The following APOD variants were observed in gnomAD, a reference collection of about 807,000 sequenced individuals.
APOD encodes apolipoprotein D, also known as apo-D.
APOD carries 22 observed loss-of-function variants against 20.4 expected under a neutral mutation model. That is an observed-to-expected ratio of 1.08 (90% CI 0.77 to 1.54). The LOEUF is 1.54. Ranked by LOEUF, APOD falls within the 40% of genes most tolerant of loss-of-function variation. The pLI is 0.00. For missense variants in APOD, 223 were observed against 229.6 expected, an observed-to-expected ratio of 0.97 and a Z score of 0.19; for synonymous variants, 97 against 92.4, an observed-to-expected ratio of 1.05 and a Z score of -0.29.
At chr3:195,575,930 C>G (rs1206916649) in intron 2 of APOD, among the ~76,000 whole-genome samples, 1 of 151,948 alleles carries the variant, frequency 6.6e-6, no homozygotes, top group African/African-American at 2.4e-5. Context: ...CTGGCCTATT[C>G]TAGAAATTTA....
chr3:195,576,103 C>A (rs1242901383), intron 2 of APOD, among the ~76,000 whole-genome samples: 1 of 152,150 alleles, frequency 6.6e-6, no homozygotes, highest in Admixed American at 6.5e-5. Context: ...TCAATTAAAG[C>A]CACTGAACTT....
At chr3:195,579,293 T>C in intron 2 of APOD, 46 bp downstream of exon 2, 1 of 1,611,714 alleles carries the variant, frequency 6.2e-7, no homozygotes, top group East Asian at 2.2e-5. Flanking sequence ...GTAGAACGCT[T>C]ATTCACAGCG....
At chr3:195,574,088 A>C in intron 2 of APOD, 117 bp from the exon 3 acceptor site, 1 of 1,420,328 alleles carries the variant, frequency 7.0e-7, no homozygotes, top group East Asian at 2.4e-5. Context: ...AATGGGCCTC[A>C]TTGTTCCCAG....
chr3:195,582,962 A>C (rs1434797434), intron 1 of APOD: 1 of 152,104 alleles, frequency 6.6e-6, no homozygotes, highest in Admixed American at 6.6e-5. Context: ...TATGATTTTT[A>C]ACAGAATATG....
rs1015918248 is a variant in APOD at position 195,568,835 on chromosome 3, G to T, written c.*65C>A. 4.1e-5 allele frequency: 44 copies of T among 1,064,868 alleles called. No homozygotes were observed. In the South Asian group the frequency reaches 5.3e-4, roughly 13 times the overall value. The allele number at this position is 1,064,868 out of a possible 1,614,324, so 66.0% of individuals were successfully genotyped here. A position where few individuals can be genotyped will look rare whatever the true frequency, so the allele number is the denominator to read the frequency against. ...TGGTTGATTGGTTTGTCTTTATGGG[G>T]GGGGGGTAGGGGAAAGCGAAGCAGA... On this transcript the variant is annotated 3_prime_UTR_variant, in exon 5 of 5. Transcript: ENST00000343267.
In APOD at chr3:195,571,596, G is replaced by T. The variant is rs181688892; in HGVS notation, c.246-231C>A. 1.0e-3 allele frequency among the ~76,000 whole-genome samples: 154 copies of T among 152,142 alleles called. 1 individual carries two copies. The highest frequency in any genetic ancestry group is 2.1e-3 in the South Asian group (10 of 4,822). ...AGGCCAAGCAGGGGAAGAGAGCAGC[G>T]GGGTGATAAGAAGCCGCAATTGACA... On this transcript the variant is annotated intron_variant, in intron 3 of 4. Transcript: ENST00000343267.
At position 195,583,531 on chromosome 3, in the gene APOD, G is replaced by A. The variant is rs144054134; in HGVS notation, c.-35+347C>T. 1.2e-3 allele frequency among the ~76,000 whole-genome samples: 187 copies of A among 152,310 alleles called. 2 individuals carry two copies. Among genetic ancestry groups the A allele is most frequent in the African/African-American group, 4.3e-3 (177 of 41,558 alleles). ...TTTTACTGCGATGCACCGTTGGACA[G>A]CTTGCTGAGAATTCACCTAGGACGG... is the stretch of plus-strand genomic sequence containing the variant. On this transcript the variant is annotated intron_variant, in intron 1 of 4. Transcript: ENST00000343267.
At chr3:195,572,521 G>C (rs945303427) in intron 3 of APOD, among the ~76,000 whole-genome samples, 3 of 152,190 alleles carry the variant, frequency 2.0e-5, no homozygotes, top group African/African-American at 7.2e-5. Context: ...GAATGAGCCT[G>C]CTTTCTAGAT....
chr3:195,581,550 G>A (rs1369787988), intron 1 of APOD, among the ~76,000 whole-genome samples: 2 of 152,186 alleles, frequency 1.3e-5, no homozygotes, highest in African/African-American at 4.8e-5. Context: ...CTACTTCCAA[G>A]GTGTACAGAT....
intron 4 of APOD, 65 bp from the exon 5 acceptor site, chr3:195,569,200 A>G: frequency 6.9e-7 from 1 of 1,445,340 alleles, no homozygotes; most frequent in South Asian, 1.2e-5. Flanking sequence ...GGACAACACA[A>G]GAAGGCTGGC....
intron 4 of APOD, 44 bp downstream of exon 4, chr3:195,571,233 A>G (rs373603544): frequency 4.4e-5 from 69 of 1,561,452 alleles, no homozygotes; most frequent in Non-Finnish European, 5.6e-5. Flanking sequence ...TTCAGTTTGC[A>G]TATTTCCTGT....
chr3:195,573,476 C>T (rs551427314), intron 3 of APOD, among the ~76,000 whole-genome samples: 10 of 152,312 alleles, frequency 6.6e-5, no homozygotes, highest in African/African-American at 1.9e-4. Flanking sequence ...TCCTGGAAGG[C>T]GATGAGCTCC....
At chr3:195,572,173 C>T (rs182231051) in intron 3 of APOD, among the ~76,000 whole-genome samples, 5 of 152,344 alleles carry the variant, frequency 3.3e-5, no homozygotes, top group East Asian at 1.9e-4. Flanking sequence ...GACATAAAAG[C>T]GTTCCCCTTC....
At chr3:195,577,643 C>T (rs1560046286) in intron 2 of APOD, among the ~76,000 whole-genome samples, 1 of 152,122 alleles carries the variant, frequency 6.6e-6, no homozygotes, top group Non-Finnish European at 1.5e-5. Context: ...ACATATAGAT[C>T]AATAGAACTG....
chr3:195,572,017 G>A (rs879871286), intron 3 of APOD, among the ~76,000 whole-genome samples: 2 of 152,188 alleles, frequency 1.3e-5, no homozygotes, highest in African/African-American at 2.4e-5. Flanking sequence ...CTGACCTCAG[G>A]CAATCTACCT....
intron 3 of APOD, among the ~76,000 whole-genome samples, chr3:195,573,487 CA>C (rs772878866): frequency 1.1e-4 from 17 of 152,186 alleles, no homozygotes; most frequent in Non-Finnish European, 2.2e-4. Flanking sequence ...GATGAGCTCC[CA>C]GTTCCTGGAA....
chr3:195,581,446 C>A (rs751442605), intron 1 of APOD, among the ~76,000 whole-genome samples: 1 of 152,200 alleles, frequency 6.6e-6, no homozygotes, highest in Non-Finnish European at 1.5e-5. Flanking sequence ...GAAAGCCTGG[C>A]CCAGAGGATC....
In APOD at chr3:195,573,931, G is replaced by T. The variant is rs773971723; in HGVS notation, c.164C>A (p.Thr55Asn). 8 of 1,614,186 alleles carry T rather than the reference G, an allele frequency of 5.0e-6. No homozygotes were observed. Among genetic ancestry groups the T allele is most frequent in the Non-Finnish European group, 6.8e-6 (8 of 1,180,020 alleles). Residue 55 changes from threonine to asparagine, a missense_variant, in exon 3 of 5, where the codon ACC (threonine) becomes AAC (asparagine). Physicochemically the swap from Thr to Asn is moderately conservative, Grantham distance 65. Coordinates refer to ENST00000343267, the MANE Select transcript of APOD (RefSeq NM_001647.4). ...CTGGATGCAGCGTCCATTCTCAAAG[G>T]TTGTTGGGATCTTCTCAATTTCGTA... ...RWYEIEKIPT[T>N]FENGRCIQAN...
intron 1 of APOD, among the ~76,000 whole-genome samples, chr3:195,582,912 G>A (rs1560047742): frequency 6.7e-6 from 1 of 148,764 alleles, no homozygotes; most frequent in East Asian, 2.0e-4. Flanking sequence ...CAGCCTGGGT[G>A]ACAGAGTGAG....
Sources: gnomAD v4.1 joint callset for allele counts (sites outside exome capture counted in the v4.1 genomes callset) on GRCh38, gnomAD v4.1.1 for gene constraint, MANE v1.5 for transcripts, NCBI Gene and HGNC (gene_info 2026-07-23, HGNC 2026-07-21) for gene names.